Variants in UPB1 observed in about 807,000 individuals in gnomAD.
UPB1 encodes beta-ureidopropionase 1, also known as beta-ureidopropionase.
A neutral mutation model predicts 49.1 loss-of-function variants in UPB1; 40 were observed. The observed-to-expected ratio is 0.81, with a 90% CI of 0.63 to 1.06. UPB1 has a LOEUF of 1.06. UPB1 is among the 50% of genes least tolerant of loss of function. The pLI, the probability that UPB1 is intolerant of heterozygous loss-of-function variation, is 0.00. For synonymous variants in UPB1, 207 were observed against 198.2 expected (o/e 1.04, Z -0.38); for missense variants, 499 against 505.9 (o/e 0.99, Z 0.13).
chr22:24,515,672 G>A (rs1378290213), intron 6 of UPB1, among the ~76,000 whole-genome samples: 1 of 152,104 alleles, frequency 6.6e-6, no homozygotes, highest in African/African-American at 2.4e-5. Context: ...GTCAGCAGGG[G>A]GCTTCAAAAA....
chr22:24,518,899 G>A (rs80032028), intron 6 of UPB1, among the ~76,000 whole-genome samples: 8 of 152,012 alleles, frequency 5.3e-5, no homozygotes, highest in Non-Finnish European at 8.8e-5. Flanking sequence ...TATGGCAAAC[G>A]TCCCCACTCC....
chr22:24,505,709 A>T (rs908178555), intron 3 of UPB1, among the ~76,000 whole-genome samples: 18 of 151,332 alleles, frequency 1.2e-4, no homozygotes, highest in African/African-American at 3.6e-4. Flanking sequence ...TTCTTTTTTT[A>T]TTTTTATTTT....
intron 9 of UPB1, among the ~76,000 whole-genome samples, chr22:24,524,736 C>A (rs777295599): frequency 1.3e-5 from 2 of 152,208 alleles, no homozygotes; most frequent in Admixed American, 1.3e-4. Flanking sequence ...GCAATCCTCG[C>A]ACCTCGGGCT....
intron 2 of UPB1, among the ~76,000 whole-genome samples, chr22:24,500,697 A>G (rs1054761610): frequency 3.3e-5 from 5 of 152,184 alleles, no homozygotes; most frequent in Admixed American, 3.3e-4. Flanking sequence ...GACTCGCTAT[A>G]CCCAGAAGTC....
intron 1 of UPB1, among the ~76,000 whole-genome samples, chr22:24,498,690 A>C (rs980076947): frequency 6.6e-6 from 1 of 152,094 alleles, no homozygotes; most frequent in South Asian, 2.1e-4. Context: ...ATGAGGAGAG[A>C]GACTTCAGCC....
rs1197352396 is a variant in UPB1, at chr22:24,525,869, A to G, written c.*75A>G. 2 of 1,566,242 alleles carry G rather than the reference A, an allele frequency of 1.3e-6. No homozygotes were observed. The highest frequency in any genetic ancestry group is 2.2e-5 in the East Asian group (1 of 44,564). On this transcript the variant is annotated 3_prime_UTR_variant, in exon 10 of 10. Coordinates refer to ENST00000326010, the MANE Select transcript of UPB1 (RefSeq NM_016327.3). Reference sequence around the variant, plus strand: ...GATTAGCAAGTGTGGCAGGCTTAACATGTCCAGGTTCTCCCCAATAACATT... The same window carrying G: ...GATTAGCAAGTGTGGCAGGCTTAACGTGTCCAGGTTCTCCCCAATAACATT...
chr22:24,509,838 CTCA>C (rs2044165119), intron 3 of UPB1, among the ~76,000 whole-genome samples: 1 of 152,202 alleles, frequency 6.6e-6, no homozygotes, highest in African/African-American at 2.4e-5. Context: ...CAGAACTTTT[CTCA>C]TCATTCACAA....
chr22:24,516,976 G>A (rs2044306250), intron 6 of UPB1, among the ~76,000 whole-genome samples: 1 of 152,108 alleles, frequency 6.6e-6, no homozygotes, highest in South Asian at 2.1e-4. Flanking sequence ...CACCCACCTT[G>A]GCCTCCCAAA....
intron 6 of UPB1, among the ~76,000 whole-genome samples, chr22:24,517,300 A>C (rs747221080): frequency 6.6e-6 from 1 of 152,182 alleles, no homozygotes; most frequent in Non-Finnish European, 1.5e-5. Context: ...CTGGAGTCTC[A>C]TGGTGGTCAG....
At chr22:24,520,223 C>G in intron 6 of UPB1, 164 bp from the exon 7 acceptor site, 1 of 765,848 alleles carries the variant, frequency 1.3e-6, no homozygotes, top group South Asian at 1.6e-5. Flanking sequence ...CGGTGAGTCT[C>G]CTGGTTGTCC....
intron 8 of UPB1, among the ~76,000 whole-genome samples, chr22:24,522,788 CA>C (rs2044418116): frequency 6.9e-6 from 1 of 145,690 alleles, no homozygotes; most frequent in African/African-American, 2.5e-5. Flanking sequence ...AAAAAAAATA[CA>C]AAAAATTAGC....
chr22:24,511,450 TTAGA>T (rs2044200153), intron 4 of UPB1, among the ~76,000 whole-genome samples: 1 of 151,832 alleles, frequency 6.6e-6, no homozygotes, highest in South Asian at 2.1e-4. Context: ...TGTTCTAAAA[TTAGA>T]TAGTGGTGAA....
chr22:24,496,372 A>ACAC lies in UPB1; in HGVS notation c.104+865_104+866insCAC, dbSNP rs2043878085. 6.1e-3 allele frequency among the ~76,000 whole-genome samples: 858 copies of ACAC among 141,620 alleles called. 8 individuals are homozygous for ACAC. Among genetic ancestry groups the ACAC allele is most frequent in the African/African-American group, 0.022 (817 of 37,152 alleles). 92.9% of individuals were successfully genotyped at this position (141,620 alleles called of 152,430 possible). A position where few individuals can be genotyped will look rare whatever the true frequency, so the allele number is the denominator to read the frequency against. On this transcript the variant is annotated intron_variant, in intron 1 of 9. Transcript: ENST00000326010. ...GGAGTCAGAGTGAGGCCCTGTCTCA[A>ACAC]ACACACACACACACACACACACACA...
chr22:24,496,390 CACACACACACACAT>C (rs1386643708), intron 1 of UPB1, among the ~76,000 whole-genome samples: 245 of 138,810 alleles, frequency 1.8e-3, no homozygotes, highest in African/African-American at 4.4e-3. Context: ...CACACACACA[CACACACACACACAT>C]ACACACACAC....
intron 8 of UPB1, 33 bp downstream of exon 8, chr22:24,522,061 A>G (rs1465601894): frequency 1.9e-6 from 3 of 1,611,758 alleles, no homozygotes; most frequent in Non-Finnish European, 2.5e-6. Context: ...GCTGCAGTTG[A>G]GGAGTGGGCC....
At chr22:24,496,412 C>T (rs916989487) in intron 1 of UPB1, among the ~76,000 whole-genome samples, 1 of 142,426 alleles carries the variant, frequency 7.0e-6, no homozygotes, top group Admixed American at 6.8e-5. Flanking sequence ...CATACACACA[C>T]ACACACACAC....
intron 3 of UPB1, among the ~76,000 whole-genome samples, chr22:24,507,213 T>C (rs1390866293): frequency 6.6e-6 from 1 of 152,222 alleles, no homozygotes; most frequent in Non-Finnish European, 1.5e-5. Flanking sequence ...TGAGAATTAA[T>C]GGTCATTAAG....
rs9620392 is a variant in UPB1, at chr22:24,500,134, C to A, written c.132C>A (p.Phe44Leu). The change falls in exon 2 of 10, where the codon TTC becomes TTA. Residue 44 changes from phenylalanine to leucine, a missense_variant. By Grantham distance (22) the Phe-to-Leu change is conservative (BLOSUM62 0). Coordinates refer to ENST00000326010, the MANE Select transcript of UPB1 (RefSeq NM_016327.3). ...LRKLDLPREA[F>L]EAASREDFEL... ...AGCTTGATCTGCCCAGGGAAGCTTT[C>A]GAAGCTGCCTCCAGAGAAGACTTTG... 1 of 1,614,202 alleles carries A rather than the reference C, an allele frequency of 6.2e-7. No homozygotes were observed. Among genetic ancestry groups the A allele is most frequent in the Non-Finnish European group, 8.5e-7 (1 of 1,180,042 alleles).
intron 4 of UPB1, 41 bp downstream of exon 4, chr22:24,510,884 T>C: frequency 6.3e-7 from 1 of 1,599,834 alleles, no homozygotes; most frequent in Non-Finnish European, 8.6e-7. Context: ...CTGCCAAATA[T>C]GTGCAAGTCA....
Sources: gnomAD v4.1 joint callset for allele counts (sites outside exome capture counted in the v4.1 genomes callset) on GRCh38, gnomAD v4.1.1 for gene constraint, MANE v1.5 for transcripts, NCBI Gene and HGNC (gene_info 2026-07-23, HGNC 2026-07-21) for gene names.